Variants in RIC1 observed in about 807,000 individuals in gnomAD.
RIC1 encodes the protein RIC1 partner of RAB6A GEF complex.
In RIC1, 88 loss-of-function variants were observed where a neutral mutation model predicts 169.0. The ratio of observed to expected loss-of-function variants is 0.52; its 90% CI spans 0.44 to 0.62. The LOEUF (loss-of-function observed/expected upper bound fraction) is 0.62, where lower values mean the gene tolerates loss of function less well. Ranked by LOEUF, RIC1 falls within the 20% of genes least tolerant of loss-of-function variation. The pLI is 0.00. For synonymous variants in RIC1, 790 were observed against 601.5 expected, an observed-to-expected ratio of 1.31 and a Z score of -4.59; for missense variants, 1,877 against 1,725.5, an observed-to-expected ratio of 1.09 and a Z score of -1.56.
At chr9:5,667,074 C>T (rs989051667) in intron 2 of RIC1, among the ~76,000 whole-genome samples, 22 of 152,102 alleles carry the variant, frequency 1.4e-4, no homozygotes, top group African/African-American at 4.3e-4. Context: ...TCTGTAATCC[C>T]AGCACTTTGG....
chr9:5,770,412 G>C lies in RIC1; in HGVS notation c.3616+134G>C, dbSNP rs190462985. 379 of 811,710 alleles carry C rather than the reference G, an allele frequency of 4.7e-4. 3 individuals are homozygous for C. The highest frequency in any genetic ancestry group is 4.8e-5 in the Non-Finnish European group (26 of 540,272). The allele number at this position is 811,710 out of a possible 1,614,324, so 50.3% of individuals were successfully genotyped here. On this transcript the variant is annotated intron_variant, in intron 23 of 25. Transcript: ENST00000414202. ...ACCATTTGTATCCACTGGAGAGGTA[G>C]AAAGTTTGTAGAACAAGGCCAAACT... is the stretch of plus-strand genomic sequence containing the variant.
intron 3 of RIC1, among the ~76,000 whole-genome samples, chr9:5,697,789 C>G (rs1821992693): frequency 6.6e-6 from 1 of 152,182 alleles, no homozygotes; most frequent in Non-Finnish European, 1.5e-5. Flanking sequence ...GATTCATCCT[C>G]ATTTATTGTA....
At chr9:5,704,973 G>A (rs949164693) in intron 3 of RIC1, among the ~76,000 whole-genome samples, 2 of 152,180 alleles carry the variant, frequency 1.3e-5, no homozygotes, top group South Asian at 4.1e-4. Context: ...ATTGACCATA[G>A]GTATACAGGT....
downstream of RIC1, among the ~76,000 whole-genome samples, chr9:5,778,190 C>T (rs560950444): frequency 2.0e-5 from 3 of 152,188 alleles, no homozygotes; most frequent in African/African-American, 7.2e-5. Flanking sequence ...AGTATTGCTA[C>T]TGTAAAAAAA....
At chr9:5,756,688 T>A (rs1385318362) in intron 16 of RIC1, among the ~76,000 whole-genome samples, 1 of 152,170 alleles carries the variant, frequency 6.6e-6, no homozygotes. Context: ...CTCCTGGTGC[T>A]CTCGATACTT....
chr9:5,768,910 A>G, intron 21 of RIC1, 60 bp from the exon 22 acceptor site: 3 of 1,518,932 alleles, frequency 2.0e-6, no homozygotes, highest in Non-Finnish European at 1.8e-6. Context: ...TCTGCGTAAT[A>G]AGGATGTGAA....
At chr9:5,630,074 G>T (rs539735947) in intron 1 of RIC1, among the ~76,000 whole-genome samples, 2 of 152,308 alleles carry the variant, frequency 1.3e-5, no homozygotes, top group African/African-American at 4.8e-5. Flanking sequence ...CGGAATAGGG[G>T]GTTAAAGGAG....
intron 2 of RIC1, among the ~76,000 whole-genome samples, chr9:5,676,705 T>C (rs1309254597): frequency 6.6e-6 from 1 of 152,246 alleles, no homozygotes; most frequent in African/African-American, 2.4e-5. Flanking sequence ...TCTACTGTTT[T>C]AAGAATCCCC....
At chr9:5,640,901 G>T (rs1215271484) in intron 1 of RIC1, among the ~76,000 whole-genome samples, 2 of 151,600 alleles carry the variant, frequency 1.3e-5, no homozygotes, top group African/African-American at 4.9e-5. Context: ...TGTTTTTTTT[G>T]TCAGCACTTT....
chr9:5,684,023 A>G (rs189357548), intron 2 of RIC1, among the ~76,000 whole-genome samples: 4 of 151,976 alleles, frequency 2.6e-5, no homozygotes, highest in African/African-American at 4.8e-5. Flanking sequence ...GAGTGACTCG[A>G]TTTTCCTGGT....
intron 3 of RIC1, among the ~76,000 whole-genome samples, chr9:5,706,450 C>CA (rs894168246): frequency 8.6e-5 from 13 of 150,650 alleles, no homozygotes; most frequent in East Asian, 3.9e-4. Context: ...GACTCTGTCT[C>CA]AAAAAAAAGG....
intron 4 of RIC1, chr9:5,719,033 G>A (rs1823433704): frequency 6.6e-6 from 1 of 151,998 alleles, no homozygotes; most frequent in South Asian, 2.1e-4. Context: ...GTATGAAAAG[G>A]AATTTAATAG....
In RIC1 at chr9:5,770,115, A is replaced by G. The variant is rs112968037; in HGVS notation, c.3453A>G (p.Ser1151=). ...TVGEQLLKSQ[S]ADPFLNLEMD... ...GAGAGCAGCTGTTAAAGTCTCAATC[A>G]GCTGACCCATTTTTGAACCTTGAGA... Residue 1151 remains serine, a synonymous_variant, in exon 23 of 26, where the codon TCA becomes TCG. Transcript: ENST00000414202. The G allele has an allele frequency of 7.5e-5, 121 of 1,613,274 alleles. No homozygotes were observed. Among genetic ancestry groups the G allele is most frequent in the Non-Finnish European group, 9.4e-5 (111 of 1,179,698 alleles).
At chr9:5,759,478 A>C (rs1039370674) in intron 17 of RIC1, among the ~76,000 whole-genome samples, 2 of 152,218 alleles carry the variant, frequency 1.3e-5, no homozygotes, top group African/African-American at 2.4e-5. Context: ...CATAAAAACC[A>C]AATGCAGTGG....
chr9:5,660,044 TC>T (rs1047061439), intron 2 of RIC1, among the ~76,000 whole-genome samples: 1 of 152,112 alleles, frequency 6.6e-6, no homozygotes, highest in African/African-American at 2.4e-5. Context: ...GTATGTTGTT[TC>T]CCCCATGTGT....
At chr9:5,738,336 A>C (rs923236504) in intron 7 of RIC1, 114 bp from the exon 8 acceptor site, 2 of 679,250 alleles carry the variant, frequency 2.9e-6, no homozygotes, top group African/African-American at 1.9e-5. Flanking sequence ...CTTATTGACA[A>C]AGTGGTTTTG....
intron 25 of RIC1, among the ~76,000 whole-genome samples, chr9:5,773,478 G>C (rs532451529): frequency 5.3e-5 from 8 of 152,302 alleles, no homozygotes; most frequent in Non-Finnish European, 1.0e-4. Context: ...TTCCATGGCA[G>C]TTACAAGCAA....
At chr9:5,645,551 C>G (rs1237172291) in intron 1 of RIC1, among the ~76,000 whole-genome samples, 1 of 152,150 alleles carries the variant, frequency 6.6e-6, no homozygotes, top group East Asian at 1.9e-4. Flanking sequence ...ATGGTAATTC[C>G]TGGTTTTCTC....
At chr9:5,711,760 G>A (rs1264660761) in intron 3 of RIC1, among the ~76,000 whole-genome samples, 1 of 152,032 alleles carries the variant, frequency 6.6e-6, no homozygotes, top group Non-Finnish European at 1.5e-5. Flanking sequence ...GATGTGTGAT[G>A]GTCCCTTTCC....
Sources: allele counts gnomAD v4.1 joint callset (sites outside exome capture counted in the v4.1 genomes callset), GRCh38; gene constraint gnomAD v4.1.1; transcripts MANE v1.5; gene names NCBI Gene and HGNC (gene_info 2026-07-23, HGNC 2026-07-21).